The following NEGR1 variants were observed in gnomAD, a reference collection of about 807,000 sequenced individuals.
NEGR1 encodes IgLON family member 4.
NEGR1 carries 10 observed loss-of-function variants against 40.9 expected under a neutral mutation model. The ratio of observed to expected loss-of-function variants is 0.24; its 90% confidence interval spans 0.15 to 0.42. The LOEUF (loss-of-function observed/expected upper bound fraction) is 0.42, where lower values mean the gene tolerates loss of function less well. NEGR1 is among the 10% of genes least tolerant of loss of function. The pLI, the probability that NEGR1 is intolerant of heterozygous loss-of-function variation, is 1.00. For synonymous variants in NEGR1, 185 were observed against 166.8 expected, an observed-to-expected ratio of 1.11 and a Z score of -0.84; for missense variants, 352 against 438.9, an observed-to-expected ratio of 0.80 and a Z score of 1.77.
At chr1:71,588,853 G>T (rs1649400537) in intron 6 of NEGR1, among the ~76,000 whole-genome samples, 1 of 152,132 alleles carries the variant, frequency 6.6e-6, no homozygotes, top group South Asian at 2.1e-4. Context: ...ATGTTAGGGT[G>T]TTGTATCTTT....
intron 1 of NEGR1, among the ~76,000 whole-genome samples, chr1:71,970,914 G>A (rs1266851251): frequency 2.0e-5 from 3 of 152,194 alleles, no homozygotes; most frequent in Non-Finnish European, 2.9e-5. Flanking sequence ...GTACTGGTAG[G>A]AAAGGTGTTT....
intron 1 of NEGR1, among the ~76,000 whole-genome samples, chr1:72,171,349 C>A (rs150601244): frequency 6.6e-6 from 1 of 152,124 alleles, no homozygotes; most frequent in Non-Finnish European, 1.5e-5. Context: ...AATCTACAGA[C>A]GCTCATGGTG....
chr1:71,779,724 C>A (rs1473652951), intron 2 of NEGR1, among the ~76,000 whole-genome samples: 8 of 151,896 alleles, frequency 5.3e-5, no homozygotes, highest in Admixed American at 3.9e-4. Flanking sequence ...CCTGCCACTG[C>A]GCCCAGCTAA....
intron 1 of NEGR1, among the ~76,000 whole-genome samples, chr1:72,057,437 T>C (rs1342273444): frequency 6.6e-6 from 1 of 151,566 alleles, no homozygotes; most frequent in Non-Finnish European, 1.5e-5. Context: ...TTTTAGGTCA[T>C]GGTGACAACT....
chr1:71,730,569 T>TTATATATATATATATATATATATATATA (rs56382019), intron 3 of NEGR1, among the ~76,000 whole-genome samples: 72 of 134,684 alleles, frequency 5.3e-4, no homozygotes, highest in African/African-American at 2.0e-3. Context: ...TAGTATAAAT[T>TTATATATATATATATATATATATATATA]TATATATATA....
rs571058760 is a variant in NEGR1, at chr1:71,849,088, CA to C, written c.410-72792del. Among the ~76,000 whole-genome samples, 743 of 110,450 alleles carry C rather than the reference CA, an allele frequency of 6.7e-3. 5 individuals carry two copies. The highest frequency in any genetic ancestry group is 0.018 in the African/African-American group (543 of 30,108). 72.5% of individuals were successfully genotyped at this position (110,450 alleles called of 152,430 possible). On this transcript the variant is annotated intron_variant, in intron 2 of 6. Transcript: ENST00000357731. Reference sequence around the variant, plus strand: ...TGGGTGACAGAGCAAGACTCTGTCTCAAAAAAAAAAAAAGAAAAGAAATACA... The same window carrying C: ...TGGGTGACAGAGCAAGACTCTGTCTCAAAAAAAAAAAAGAAAAGAAATACA...
chr1:72,166,748 G>T (rs1411686466), intron 1 of NEGR1, among the ~76,000 whole-genome samples: 1 of 152,070 alleles, frequency 6.6e-6, no homozygotes, highest in Non-Finnish European at 1.5e-5. Flanking sequence ...ATGGTTACCA[G>T]AGGCCAGGAT....
At chr1:72,199,594 T>C (rs1484405569) in intron 1 of NEGR1, among the ~76,000 whole-genome samples, 1 of 151,970 alleles carries the variant, frequency 6.6e-6, no homozygotes, top group Non-Finnish European at 1.5e-5. Context: ...TGGACCTCTT[T>C]TTGTGCATCC....
In NEGR1 at chr1:71,403,519, ATC is replaced by A. The variant is rs1646258715; in HGVS notation, c.*3925_*3926del. On this transcript the variant is annotated 3_prime_UTR_variant, in exon 7 of 7. Coordinates refer to ENST00000357731, the MANE Select transcript of NEGR1 (RefSeq NM_173808.3). ...TTTTAGTTTAGATGTAGTTCAGCTC[ATC>A]AAACCTTTTAGGAATCAGCAACAGC... 1 of 183,410 alleles carries A rather than the reference ATC, an allele frequency of 5.5e-6. No homozygotes were observed. Among genetic ancestry groups the A allele is most frequent in the African/African-American group, 2.3e-5 (1 of 43,098 alleles). 11.4% of individuals were successfully genotyped at this position (183,410 alleles called of 1,614,324 possible).
intron 1 of NEGR1, among the ~76,000 whole-genome samples, chr1:72,257,139 G>A (rs1051579603): frequency 2.6e-5 from 4 of 151,758 alleles, no homozygotes; most frequent in Non-Finnish European, 5.9e-5. Context: ...CGGCTAAAAC[G>A]GTGAAACCCC....
At chr1:71,563,059 G>A (rs1225637659) in intron 6 of NEGR1, among the ~76,000 whole-genome samples, 1 of 151,970 alleles carries the variant, frequency 6.6e-6, no homozygotes, top group Non-Finnish European at 1.5e-5. Context: ...GGGTATAAAT[G>A]TGTAATCCTC....
rs1321835677 is a variant in NEGR1, at chr1:71,401,782, T to C, written c.*5664A>G. The C allele has an allele frequency of 6.6e-6, 1 of 152,148 alleles. No homozygotes were observed. Among genetic ancestry groups the C allele is most frequent in the Non-Finnish European group, 1.5e-5 (1 of 68,018 alleles). The allele number at this position is 152,148 out of a possible 1,614,324, so 9.4% of individuals were successfully genotyped here. On this transcript the variant is annotated 3_prime_UTR_variant, in exon 7 of 7. Transcript: ENST00000357731. ...ACTTGACACATTTTTTGCAAAATGC[T>C]ATACAAAAAGAAGATACATGCGATT...
intron 1 of NEGR1, among the ~76,000 whole-genome samples, chr1:72,059,145 T>C (rs1647141925): frequency 1.3e-5 from 2 of 151,720 alleles, no homozygotes. Context: ...CTGAATTTAA[T>C]GTGACAAGGT....
At chr1:72,279,886 G>A (rs923886039) in intron 1 of NEGR1, among the ~76,000 whole-genome samples, 3 of 152,132 alleles carry the variant, frequency 2.0e-5, no homozygotes, top group African/African-American at 7.2e-5. Context: ...TACAGACAAT[G>A]TAAGAAGTTC....
At chr1:72,153,959 T>C (rs1055013198) in intron 1 of NEGR1, among the ~76,000 whole-genome samples, 1 of 151,520 alleles carries the variant, frequency 6.6e-6, no homozygotes, top group Non-Finnish European at 1.5e-5. Flanking sequence ...CAGATGGTAC[T>C]CTCGGTGAAA....
intron 1 of NEGR1, among the ~76,000 whole-genome samples, chr1:72,022,799 C>T (rs1055715724): frequency 1.3e-5 from 2 of 152,072 alleles, no homozygotes; most frequent in Non-Finnish European, 2.9e-5. Flanking sequence ...ATATGATTGT[C>T]TACATGTAGG....
At chr1:71,481,150 C>G (rs1242616413) in intron 6 of NEGR1, among the ~76,000 whole-genome samples, 2 of 151,880 alleles carry the variant, frequency 1.3e-5, no homozygotes. Flanking sequence ...GGTCACATAG[C>G]TGGTCAGTGG....
intron 3 of NEGR1, among the ~76,000 whole-genome samples, chr1:71,718,242 A>C (rs1654341784): frequency 6.6e-6 from 1 of 152,178 alleles, no homozygotes; most frequent in Non-Finnish European, 1.5e-5. Flanking sequence ...AAGATCCCTC[A>C]TGAGTTGGTG....
chr1:72,237,643 G>A (rs1421664257), intron 1 of NEGR1, among the ~76,000 whole-genome samples: 1 of 151,960 alleles, frequency 6.6e-6, no homozygotes, highest in Admixed American at 6.6e-5. Flanking sequence ...ATATTCCAGA[G>A]CATTATAAAA....
Sources: gnomAD v4.1 joint callset for allele counts (sites outside exome capture counted in the v4.1 genomes callset) on GRCh38, gnomAD v4.1.1 for gene constraint, MANE v1.5 for transcripts, NCBI Gene and HGNC (gene_info 2026-07-23, HGNC 2026-07-21) for gene names.